TEAD4: variants seen among roughly 807,000 people sequenced by gnomAD.
TEAD4 encodes the protein transcriptional enhancer factor TEF-3.
TEAD4 carries 36 observed loss-of-function variants against 52.4 expected under a neutral mutation model. That is an observed-to-expected ratio of 0.69 (90% CI 0.53 to 0.91). The LOEUF is 0.91. Ranked by LOEUF, TEAD4 falls within the 40% of genes least tolerant of loss-of-function variation. The pLI, the probability that TEAD4 is intolerant of heterozygous loss-of-function variation, is 0.00. For synonymous variants in TEAD4, 220 were observed against 231.0 expected (o/e 0.95, Z 0.43); for missense variants, 508 against 583.9 (o/e 0.87, Z 1.34).
chr12:3,021,773 C>T (rs926399786), intron 9 of TEAD4, 71 bp from the exon 10 acceptor site: 142 of 1,544,410 alleles, frequency 9.2e-5, no homozygotes, highest in Non-Finnish European at 1.2e-4. Context: ...GTGGTGGGCA[C>T]GCAGAGCCAG....
chr12:3,035,523 C>T (rs79246269), intron 10 of TEAD4, among the ~76,000 whole-genome samples: 2,628 of 152,170 alleles, frequency 0.017, 76 homozygotes, highest in African/African-American at 0.059. Flanking sequence ...CAGGTGACTT[C>T]GAGAAAATAG....
At chr12:2,970,442 T>G (rs953710251) in intron 2 of TEAD4, among the ~76,000 whole-genome samples, 9 of 152,250 alleles carry the variant, frequency 5.9e-5, no homozygotes, top group African/African-American at 2.2e-4. Context: ...ATCTGTAAAG[T>G]GCTTAGTTCT....
chr12:2,986,633 CTG>C (rs1565530190), intron 2 of TEAD4, among the ~76,000 whole-genome samples: 1 of 147,324 alleles, frequency 6.8e-6, no homozygotes, highest in Non-Finnish European at 1.5e-5. Flanking sequence ...GAGTGAGACT[CTG>C]TCTCAAAAAA....
chr12:3,009,796 G>T (rs912145013), intron 3 of TEAD4, among the ~76,000 whole-genome samples: 1 of 152,170 alleles, frequency 6.6e-6, no homozygotes, highest in African/African-American at 2.4e-5. Flanking sequence ...TGACACAGAC[G>T]AGGCAGTGGT....
At chr12:3,020,562 G>A (rs1029675990) in intron 8 of TEAD4, 72 bp from the exon 9 acceptor site, 14 of 1,445,256 alleles carry the variant, frequency 9.7e-6, no homozygotes, top group Non-Finnish European at 1.0e-5. Context: ...GGAGGCCTGG[G>A]GTCCTTGCAG....
chr12:2,999,107 G>GGGCCC (rs1230782967), intron 3 of TEAD4, among the ~76,000 whole-genome samples: 1 of 152,172 alleles, frequency 6.6e-6, no homozygotes, highest in Non-Finnish European at 1.5e-5. Context: ...TGTGTGGGAT[G>GGGCCC]GGCCCTCTGG....
chr12:2,997,672 A>C (rs1244953386), intron 3 of TEAD4, among the ~76,000 whole-genome samples: 1 of 151,854 alleles, frequency 6.6e-6, no homozygotes, highest in Non-Finnish European at 1.5e-5. Flanking sequence ...TGAGGCATCC[A>C]GCAAGGGGCA....
At chr12:3,013,259 ATTTTTTTT>A (rs77874270) in intron 5 of TEAD4, among the ~76,000 whole-genome samples, 25,107 of 132,042 alleles carry the variant, frequency 0.19, 4,724 homozygotes, top group African/African-American at 0.49. Flanking sequence ...GCCTGCAAAC[ATTTTTTTT>A]TTTTTTTTTT....
At chr12:2,960,969 GGA>G (rs1373983313) in intron 2 of TEAD4, among the ~76,000 whole-genome samples, 2 of 152,096 alleles carry the variant, frequency 1.3e-5, no homozygotes, top group Non-Finnish European at 2.9e-5. Flanking sequence ...CCTGCCTCTT[GGA>G]GCCAGGAGGC....
At chr12:3,031,129 T>G (rs12812901) in intron 10 of TEAD4, among the ~76,000 whole-genome samples, 8,451 of 152,282 alleles carry the variant, frequency 0.055, 352 homozygotes, top group Middle Eastern at 0.11. Context: ...CAGCCCCGGT[T>G]GTGGGAATTG....
rs1367011665 is a variant in TEAD4, at chr12:2,959,958, G to T, written c.-112G>T. On this transcript the variant is annotated 5_prime_UTR_variant, in exon 2 of 13. Transcript: ENST00000359864. The surrounding 1 kb of genome is among the most constrained non-coding windows in gnomAD (Gnocchi z 5.1). Reference sequence around the variant, plus strand: ...CTGTCGTCCCCGCAGAACGATCGCCGCGGCCGGAAGAGTTGGCGCTCGGGG... The same window carrying T: ...CTGTCGTCCCCGCAGAACGATCGCCTCGGCCGGAAGAGTTGGCGCTCGGGG... The T allele has an allele frequency of 6.6e-6, 1 of 152,228 alleles. No individual in the cohort carries two copies. The highest frequency in any genetic ancestry group is 2.4e-5 in the African/African-American group (1 of 41,446). The allele number at this position is 152,228 out of a possible 1,614,324, so 9.4% of individuals were successfully genotyped here.
intron 3 of TEAD4, among the ~76,000 whole-genome samples, chr12:3,009,301 G>A (rs11830535): frequency 0.12 from 17,829 of 152,220 alleles, 2,029 homozygotes; most frequent in African/African-American, 0.29. Context: ...ATGGTGGTAC[G>A]CACCTGTAAT....
At chr12:2,977,296 C>G (rs1156540465) in intron 2 of TEAD4, among the ~76,000 whole-genome samples, 2 of 152,130 alleles carry the variant, frequency 1.3e-5, no homozygotes, top group African/African-American at 4.8e-5. Flanking sequence ...GTCTCTCTCT[C>G]TCTTTCTCTT....
chr12:3,021,401 C>A (rs1034976206), intron 9 of TEAD4, among the ~76,000 whole-genome samples: 4 of 149,604 alleles, frequency 2.7e-5, no homozygotes, highest in African/African-American at 9.8e-5. Flanking sequence ...ACTTCCACTT[C>A]CTGAGTTCAA....
chr12:2,979,797 G>T (rs1304907161), intron 2 of TEAD4, among the ~76,000 whole-genome samples: 1 of 152,100 alleles, frequency 6.6e-6, no homozygotes, highest in African/African-American at 2.4e-5. Context: ...CTTGTGTTGG[G>T]GATTAAGTTT....
chr12:2,995,476 A>T (rs1438440926), intron 3 of TEAD4, among the ~76,000 whole-genome samples: 1 of 152,136 alleles, frequency 6.6e-6, no homozygotes, highest in Non-Finnish European at 1.5e-5. Context: ...GAGCTCACAG[A>T]TACCTGCTCT....
rs551018455 is a variant in TEAD4, at chr12:3,030,764, G to A, written c.898-7204G>A. 2.0e-5 allele frequency among the ~76,000 whole-genome samples: 3 copies of A among 152,274 alleles called. No individual in the cohort carries two copies. In the East Asian group the frequency reaches 5.8e-4, roughly 29 times the overall value. On this transcript the variant is annotated intron_variant, in intron 10 of 12. Transcript: ENST00000359864. ...ACCTGTGTGCCACTTCGAAGGGGTC[G>A]GCAGTCGCTGTTTGGAGTGCTGGGC...
chr12:2,981,558 T>A (rs1315053723), intron 2 of TEAD4, among the ~76,000 whole-genome samples: 1 of 152,232 alleles, frequency 6.6e-6, no homozygotes, highest in East Asian at 1.9e-4. Flanking sequence ...CCATAGCACT[T>A]ACCTGTTTGC....
intron 5 of TEAD4, among the ~76,000 whole-genome samples, chr12:3,016,379 A>G (rs942427470): frequency 2.6e-5 from 4 of 152,144 alleles, no homozygotes; most frequent in African/African-American, 7.2e-5. Context: ...CGAGCCATTT[A>G]GCCCCGATAA....
Sources: gnomAD v4.1 joint callset for allele counts (sites outside exome capture counted in the v4.1 genomes callset) on GRCh38, gnomAD v4.1.1 for gene constraint, Gnocchi (gnomAD v3.1) non-coding constraint, MANE v1.5 for transcripts, NCBI Gene and HGNC (gene_info 2026-07-23, HGNC 2026-07-21) for gene names.